Variants in PRR33 observed in about 807,000 individuals in gnomAD.
PRR33 encodes proline-rich protein 33.
A neutral mutation model predicts 0.5 loss-of-function variants in PRR33; 1 was observed. The ratio of observed to expected loss-of-function variants is 2.18; its 90% confidence interval spans 0.77 to 10.34. The LOEUF is 10.34. PRR33 is among the 30% of genes most tolerant of loss of function. PRR33 has a pLI of 0.13. For synonymous variants in PRR33, 226 were observed against 110.0 expected, an observed-to-expected ratio of 2.06 and a Z score of -6.60; for missense variants, 552 against 251.8, an observed-to-expected ratio of 2.19 and a Z score of -8.07.
At chr11:1,892,751 G>A (rs1849052944), upstream of PRR33, among the ~76,000 whole-genome samples, 1 of 152,064 alleles carries the variant, frequency 6.6e-6, no homozygotes, top group Admixed American at 6.6e-5. Context: ...TGGGTAGGTG[G>A]GCGAGTGGAT....
At chr11:1,895,250 A>C (rs1178749093), upstream of PRR33, among the ~76,000 whole-genome samples, 1 of 151,978 alleles carries the variant, frequency 6.6e-6, no homozygotes, top group Admixed American at 6.6e-5. Flanking sequence ...CTCCTGCCTC[A>C]GCCTCCCAGG....
At chr11:1,892,991 G>A (rs1849060597), upstream of PRR33, among the ~76,000 whole-genome samples, 1 of 146,798 alleles carries the variant, frequency 6.8e-6, no homozygotes, top group South Asian at 2.3e-4. Flanking sequence ...GAGTAAGTGG[G>A]TGGGTGGGTG....
the PRR33 span, among the ~76,000 whole-genome samples, chr11:1,908,971 T>C: frequency 0.021 from 3,218 of 152,374 alleles, 50 homozygotes; most frequent in Non-Finnish European, 0.03. Flanking sequence ...GAAACAAGAA[T>C]TGACTTTTAG....
chr11:1,890,586 A>C, exon 1 of PRR33: 1 of 705,804 alleles, frequency 1.4e-6, no homozygotes, highest in Non-Finnish European at 2.6e-6. Context: ...TATGAGCATG[A>C]CTGTGTCCTA....
chr11:1,913,363 G>T, the PRR33 span, among the ~76,000 whole-genome samples: 5 of 150,654 alleles, frequency 3.3e-5, no homozygotes, highest in Non-Finnish European at 7.4e-5. Flanking sequence ...AGCCAGGCTG[G>T]TCTCGAACTC....
At chr11:1,906,252 C>T in the PRR33 span, among the ~76,000 whole-genome samples, 1 of 152,122 alleles carries the variant, frequency 6.6e-6, no homozygotes, top group African/African-American at 2.4e-5. Flanking sequence ...CTCCCCTTTA[C>T]TCTTTTTCTG....
At chr11:1,906,769 C>T in the PRR33 span, among the ~76,000 whole-genome samples, 1 of 152,252 alleles carries the variant, frequency 6.6e-6, no homozygotes, top group African/African-American at 2.4e-5. Context: ...GCACTGGTCT[C>T]TCTAGTCCTT....
At chr11:1,889,373 C>G (rs1725651485) in exon 1 of PRR33, 4 of 707,716 alleles carry the variant, frequency 5.7e-6, no homozygotes, top group Middle Eastern at 2.3e-4. Context: ...TGCGGTACAG[C>G]ACGGCATCCC....
the PRR33 span, among the ~76,000 whole-genome samples, chr11:1,903,804 A>C: frequency 1.3e-5 from 2 of 152,146 alleles, no homozygotes; most frequent in South Asian, 4.1e-4. Context: ...TCCCTGCCTT[A>C]GTGTGCAAGA....
chr11:1,905,208 C>A, the PRR33 span, among the ~76,000 whole-genome samples: 580 of 141,172 alleles, frequency 4.1e-3, 1 homozygote, highest in Non-Finnish European at 6.9e-3. Context: ...CTCACTGCAA[C>A]GTCTGTCTCC....
chr11:1,889,234 G>T, exon 1 of PRR33: 2 of 674,656 alleles, frequency 3.0e-6, no homozygotes. Flanking sequence ...GGAGGGGGCC[G>T]GGTGGCCTCC....
At chr11:1,897,202 C>T in the PRR33 span, among the ~76,000 whole-genome samples, 2 of 152,198 alleles carry the variant, frequency 1.3e-5, no homozygotes, top group African/African-American at 4.8e-5. The surrounding 1 kb of genome is among the most constrained non-coding windows in gnomAD (Gnocchi z 4.0). Context: ...GGTTTCAGTT[C>T]ACAGTGGATG....
the PRR33 span, among the ~76,000 whole-genome samples, chr11:1,913,052 G>A: frequency 2.0e-5 from 3 of 151,952 alleles, no homozygotes; most frequent in African/African-American, 7.3e-5. Context: ...TAAACTAGAT[G>A]CATACTTATT....
At chr11:1,897,775 G>A in the PRR33 span, among the ~76,000 whole-genome samples, 1 of 152,108 alleles carries the variant, frequency 6.6e-6, no homozygotes, top group African/African-American at 2.4e-5. The surrounding 1 kb of genome is among the most constrained non-coding windows in gnomAD (Gnocchi z 4.0). Context: ...TTGAGTTCTT[G>A]TTGCTCCAGT....
chr11:1,914,479 TTGTGTG>T, the PRR33 span, among the ~76,000 whole-genome samples: 1 of 145,894 alleles, frequency 6.9e-6, no homozygotes, highest in East Asian at 2.1e-4. Flanking sequence ...ATGTTTTTCT[TTGTGTG>T]TGTGTGTGTG....
At chr11:1,889,097 CT>C (rs1443471649) in exon 1 of PRR33, 1 of 595,008 alleles carries the variant, frequency 1.7e-6, no homozygotes, top group East Asian at 3.0e-5. Flanking sequence ...TCAGCCCCTT[CT>C]TCTGTCCATC....
exon 1 of PRR33, chr11:1,889,412 C>A (rs1848892130): frequency 1.5e-6 from 1 of 681,834 alleles, no homozygotes. Flanking sequence ...AGGCGGGGGC[C>A]CGGGGTGCGG....
At chr11:1,897,492 A>C in the PRR33 span, among the ~76,000 whole-genome samples, 64 of 152,306 alleles carry the variant, frequency 4.2e-4, 1 homozygote, top group South Asian at 0.013. The surrounding 1 kb of genome is among the most constrained non-coding windows in gnomAD (Gnocchi z 4.0). Flanking sequence ...TGCTTCCGTA[A>C]AGCTTCGGTT....
upstream of PRR33, among the ~76,000 whole-genome samples, chr11:1,894,057 A>AGT (rs61527876): frequency 0.042 from 2,211 of 53,040 alleles, 105 homozygotes; most frequent in East Asian, 0.13. Context: ...GGAGTGTGGG[A>AGT]GTGTGTGTGT....
Sources: allele counts gnomAD v4.1 joint callset (sites outside exome capture counted in the v4.1 genomes callset), GRCh38; gene constraint gnomAD v4.1.1; non-coding constraint Gnocchi (gnomAD v3.1); transcripts MANE v1.5; gene names NCBI Gene and HGNC (gene_info 2026-07-23, HGNC 2026-07-21).